Variants in SLC9A2 observed in about 807,000 individuals in gnomAD.
The protein encoded by SLC9A2 is solute carrier family 9 member A2, also known as sodium/hydrogen exchanger 2.
SLC9A2 carries 42 observed loss-of-function variants against 71.7 expected under a neutral mutation model. That is an observed-to-expected ratio of 0.59 (90% CI 0.46 to 0.76). SLC9A2 has a LOEUF of 0.76. Ranked by LOEUF, SLC9A2 falls within the 30% of genes least tolerant of loss-of-function variation. SLC9A2 has a pLI of 0.00. For synonymous variants in SLC9A2, 396 were observed against 392.5 expected (o/e 1.01, Z -0.10); for missense variants, 829 against 1,017.4 (o/e 0.81, Z 2.52).
chr2:102,699,428 T>G (rs1677831695), intron 7 of SLC9A2, among the ~76,000 whole-genome samples: 1 of 152,166 alleles, frequency 6.6e-6, no homozygotes, highest in Admixed American at 6.5e-5. Flanking sequence ...CCAAGGAAGA[T>G]GCAGGACAGT....
At chr2:102,658,901 T>C (rs990396244) in intron 2 of SLC9A2, among the ~76,000 whole-genome samples, 5 of 152,106 alleles carry the variant, frequency 3.3e-5, no homozygotes, top group Admixed American at 6.5e-5. Context: ...CTGTTTTCTG[T>C]TAGCCACAGC....
intron 2 of SLC9A2, among the ~76,000 whole-genome samples, chr2:102,661,037 CA>C (rs1677040145): frequency 6.6e-6 from 1 of 152,112 alleles, no homozygotes; most frequent in African/African-American, 2.4e-5. Context: ...AAATGCAGAT[CA>C]AACACTTCAT....
At chr2:102,651,498 C>T (rs1676835357) in intron 1 of SLC9A2, among the ~76,000 whole-genome samples, 1 of 152,198 alleles carries the variant, frequency 6.6e-6, no homozygotes, top group Non-Finnish European at 1.5e-5. Context: ...AGTTCTTTCA[C>T]TATTCAGGGC....
intron 1 of SLC9A2, among the ~76,000 whole-genome samples, chr2:102,634,777 A>G (rs1361025264): frequency 2.0e-5 from 3 of 151,690 alleles, no homozygotes; most frequent in Non-Finnish European, 4.4e-5. Flanking sequence ...CTTTTTTTTT[A>G]TTCCAGGTTC....
chr2:102,632,627 T>G (rs906679247), intron 1 of SLC9A2, among the ~76,000 whole-genome samples: 4 of 152,060 alleles, frequency 2.6e-5, no homozygotes, highest in African/African-American at 9.7e-5. Flanking sequence ...ATAATTCTGG[T>G]GGGTAGGGCA....
rs1288834240 is a variant in SLC9A2 at position 102,702,477 on chromosome 2, G to C, written c.1820G>C (p.Arg607Thr). 1.9e-6 allele frequency: 3 copies of C among 1,594,820 alleles called. No homozygotes were observed. Among genetic ancestry groups the C allele is most frequent in the Non-Finnish European group, 2.6e-6 (3 of 1,170,072 alleles). Residue 607 changes from arginine to threonine, a missense_variant, in exon 9 of 12, where the codon AGA (arginine) becomes ACA (threonine). This residue lies in a region of SLC9A2 where 500 missense variants were observed against 726.3 expected (regional missense o/e 0.69). Coordinates refer to ENST00000233969, the MANE Select transcript of SLC9A2 (RefSeq NM_003048.6). ...ETDEIRELLS[R>T]NLYQIRQRTL... ...GATGAAATTCGAGAACTCTTATCAA[G>C]AAATCTCTATCAAATCCGTCAGCGA... is the stretch of plus-strand genomic sequence containing the variant.
At chr2:102,653,061 T>C (rs1676865346) in intron 1 of SLC9A2, among the ~76,000 whole-genome samples, 1 of 152,240 alleles carries the variant, frequency 6.6e-6, no homozygotes, top group Non-Finnish European at 1.5e-5. Context: ...CTTTGGTAGT[T>C]CATAAAAGCA....
At chr2:102,700,295 T>C (rs1014612690) in intron 7 of SLC9A2, among the ~76,000 whole-genome samples, 7 of 152,172 alleles carry the variant, frequency 4.6e-5, no homozygotes, top group African/African-American at 1.4e-4. Context: ...CTGGGGGTCA[T>C]TGGCATAGAG....
In SLC9A2 at chr2:102,708,642, A is replaced by C; in HGVS notation, c.*153A>C. On this transcript the variant is annotated 3_prime_UTR_variant, in exon 12 of 12. Coordinates refer to ENST00000233969, the MANE Select transcript of SLC9A2 (RefSeq NM_003048.6). ...GATTCATGCCACGGATAAATGAGGC[A>C]AATCCGAAGAAAAGGAAAATCGAAT... The C allele has an allele frequency of 1.2e-6, 1 of 833,938 alleles. No homozygotes were observed. Among genetic ancestry groups the C allele is most frequent in the Non-Finnish European group, 1.8e-6 (1 of 552,058 alleles). 51.7% of individuals were successfully genotyped at this position (833,938 alleles called of 1,614,324 possible).
At chr2:102,621,050 G>C (rs909765864) in intron 1 of SLC9A2, among the ~76,000 whole-genome samples, 3 of 151,510 alleles carry the variant, frequency 2.0e-5, no homozygotes, top group African/African-American at 7.3e-5. Context: ...CCAGCTACTC[G>C]GGAGGCTGAG....
chr2:102,693,448 T>A (rs1366933185), intron 5 of SLC9A2, among the ~76,000 whole-genome samples: 1 of 152,266 alleles, frequency 6.6e-6, no homozygotes, highest in African/African-American at 2.4e-5. Flanking sequence ...TGTTTCATTT[T>A]TAAGTGATAT....
chr2:102,649,629 A>C (rs1558707129), intron 1 of SLC9A2, among the ~76,000 whole-genome samples: 1 of 152,154 alleles, frequency 6.6e-6, no homozygotes. Context: ...TTACAAGAAA[A>C]AAACAAACAA....
chr2:102,664,460 C>T (rs2104525029), intron 2 of SLC9A2, among the ~76,000 whole-genome samples: 1 of 151,796 alleles, frequency 6.6e-6, no homozygotes, highest in South Asian at 2.1e-4. Context: ...CACACACACA[C>T]ACACACACAC....
intron 1 of SLC9A2, among the ~76,000 whole-genome samples, chr2:102,644,429 C>A (rs536407083): frequency 4.7e-4 from 71 of 152,254 alleles, no homozygotes; most frequent in African/African-American, 1.3e-3. Flanking sequence ...GAGGCTCCCC[C>A]CCGCCCAGTG....
rs373595304 is a variant in SLC9A2, at chr2:102,695,115, T to C, written c.1586+2T>C. The C allele has an allele frequency of 9.3e-6, 15 of 1,610,352 alleles. No homozygotes were observed. Among genetic ancestry groups the C allele is most frequent in the African/African-American group, 2.7e-5 (2 of 74,832 alleles). On this transcript the variant is annotated splice_donor_variant, in intron 7 of 11. Coordinates refer to ENST00000233969, the MANE Select transcript of SLC9A2 (RefSeq NM_003048.6). LOFTEE classifies it high-confidence loss of function. ...GGGTCACAACTTTTGGAGAGACAAG[T>C]AAGAAGGTCTTATGCCATTGGGTTA...
intron 1 of SLC9A2, among the ~76,000 whole-genome samples, chr2:102,636,373 C>A (rs187588599): frequency 6.6e-6 from 1 of 152,296 alleles, no homozygotes; most frequent in Admixed American, 6.5e-5. Context: ...CTGGTGAATG[C>A]AGTTAAGTGT....
chr2:102,670,599 CAAAA>C (rs66543071), intron 3 of SLC9A2, among the ~76,000 whole-genome samples: 1,554 of 80,052 alleles, frequency 0.019, 13 homozygotes, highest in African/African-American at 0.045. Context: ...CTCCCCCCAC[CAAAA>C]AAAAAAAAAA....
chr2:102,641,894 G>T (rs1676588495), intron 1 of SLC9A2, among the ~76,000 whole-genome samples: 1 of 144,800 alleles, frequency 6.9e-6, no homozygotes, highest in African/African-American at 2.6e-5. Context: ...ACCAGGGCCT[G>T]TCGGGGGGTG....
At chr2:102,693,395 A>G (rs1677700141) in intron 5 of SLC9A2, among the ~76,000 whole-genome samples, 1 of 152,162 alleles carries the variant, frequency 6.6e-6, no homozygotes, top group Admixed American at 6.5e-5. Flanking sequence ...AGACAGACAG[A>G]GCATCCTTGT....
Sources: allele counts gnomAD v4.1 joint callset (sites outside exome capture counted in the v4.1 genomes callset), GRCh38; gene constraint gnomAD v4.1.1; regional missense constraint gnomAD v4.1.1; transcripts MANE v1.5; gene names NCBI Gene and HGNC (gene_info 2026-07-23, HGNC 2026-07-21).